Variants in GALNT13 observed in about 807,000 individuals in gnomAD.
GALNT13 encodes the protein polypeptide N-acetylgalactosaminyltransferase 13.
GALNT13 carries 28 observed loss-of-function variants against 64.2 expected under a neutral mutation model. That is an observed-to-expected ratio of 0.44 (90% CI 0.32 to 0.60). GALNT13 has a LOEUF of 0.60. GALNT13 is among the 20% of genes least tolerant of loss of function. The pLI is 0.05. For missense variants in GALNT13, 577 were observed against 669.8 expected (o/e 0.86, Z 1.53); for synonymous variants, 214 against 224.6 (o/e 0.95, Z 0.42).
chr2:153,800,610 T>C, the GALNT13 span, among the ~76,000 whole-genome samples: 1 of 152,230 alleles, frequency 6.6e-6, no homozygotes, highest in East Asian at 1.9e-4. Context: ...ATTAAGTTTA[T>C]GTAATATTAT....
In GALNT13 at chr2:154,408,991, A is replaced by G; in HGVS notation, c.1304A>G (p.Asn435Ser). Residue 435 changes from asparagine (N) to serine (S), a missense_variant, in exon 11 of 13, where the codon AAT (asparagine) becomes AGT (serine). Coordinates refer to ENST00000392825, the MANE Select transcript of GALNT13 (RefSeq NM_052917.4). ...TTTGTGTGTTTCCTTTAGATAAGAA[A>G]TGTTGAAACCAATCAGTGTTTAGAC... ...RRYYSLGEIRNVETNQCLDNM... is the reference protein window; with the variant it reads ...RRYYSLGEIRSVETNQCLDNM... 6.2e-7 allele frequency: 1 copy of G among 1,605,228 alleles called. No homozygotes were observed. The highest frequency in any genetic ancestry group is 1.7e-4 in the Middle Eastern group (1 of 6,028).
chr2:154,019,727 T>A (rs1697304614), intron 3 of GALNT13, among the ~76,000 whole-genome samples: 1 of 151,762 alleles, frequency 6.6e-6, no homozygotes, highest in Non-Finnish European at 1.5e-5. Context: ...ATACTTTAAG[T>A]TTTAGAGTAC....
chr2:153,413,248 A>G, the GALNT13 span, among the ~76,000 whole-genome samples: 1 of 152,084 alleles, frequency 6.6e-6, no homozygotes, highest in Non-Finnish European at 1.5e-5. Context: ...AAACTCCCCA[A>G]GGGCACAGGA....
chr2:153,517,781 T>C, the GALNT13 span, among the ~76,000 whole-genome samples: 2 of 152,188 alleles, frequency 1.3e-5, no homozygotes, highest in African/African-American at 4.8e-5. Flanking sequence ...CAATGTGTGC[T>C]AAAATCAGTT....
chr2:154,042,695 C>CATATATATATATATATATATATATAT (rs70981696), intron 3 of GALNT13, among the ~76,000 whole-genome samples: 1 of 107,928 alleles, frequency 9.3e-6, no homozygotes, highest in South Asian at 3.2e-4. Flanking sequence ...TATCATTATG[C>CATATATATATATATATATATATATAT]ATATATATAT....
chr2:153,835,012 G>T, the GALNT13 span, among the ~76,000 whole-genome samples: 1 of 152,064 alleles, frequency 6.6e-6, no homozygotes, highest in Non-Finnish European at 1.5e-5. Context: ...GACACGCGAA[G>T]AAAAATTGAA....
At chr2:153,854,031 A>G in the GALNT13 span, among the ~76,000 whole-genome samples, 1 of 151,732 alleles carries the variant, frequency 6.6e-6, no homozygotes, top group East Asian at 1.9e-4. Context: ...TATACCTTAA[A>G]TCTGTGAAGT....
intron 3 of GALNT13, among the ~76,000 whole-genome samples, chr2:154,024,889 G>A (rs1697829366): frequency 6.6e-6 from 1 of 152,134 alleles, no homozygotes. Context: ...TGTCCTTTCT[G>A]TTTGTTAGTT....
the GALNT13 span, among the ~76,000 whole-genome samples, chr2:153,305,751 G>C: frequency 1.6e-3 from 247 of 152,138 alleles, 1 homozygote; most frequent in Middle Eastern, 6.8e-3. Context: ...AGGCAGTGTT[G>C]AGCATTCCGT....
At chr2:153,188,054 T>G in the GALNT13 span, among the ~76,000 whole-genome samples, 1 of 152,072 alleles carries the variant, frequency 6.6e-6, no homozygotes, top group Non-Finnish European at 1.5e-5. Flanking sequence ...AAATAAAACT[T>G]TTTTAATCTA....
At chr2:153,279,106 G>T in the GALNT13 span, among the ~76,000 whole-genome samples, 215 of 151,920 alleles carry the variant, frequency 1.4e-3, no homozygotes, top group East Asian at 9.9e-3. Flanking sequence ...GTATTTTTTT[G>T]TGTGTGTGTG....
the GALNT13 span, among the ~76,000 whole-genome samples, chr2:153,865,368 C>A: frequency 7.7e-5 from 10 of 129,564 alleles, no homozygotes; most frequent in African/African-American, 2.4e-4. Context: ...TCAGAGTGAA[C>A]AGGCAACCTA....
At chr2:154,408,958 C>T (rs1246280314) in intron 10 of GALNT13, 26 bp from the exon 11 acceptor site, 14 of 1,364,728 alleles carry the variant, frequency 1.0e-5, no homozygotes, top group Middle Eastern at 1.8e-4. Context: ...ATGTTTTATC[C>T]CCCCCCTTTT....
At chr2:153,972,745 CAT>C (rs972467672) in intron 3 of GALNT13, among the ~76,000 whole-genome samples, 1 of 151,936 alleles carries the variant, frequency 6.6e-6, no homozygotes, top group African/African-American at 2.4e-5. Context: ...CCTCACCTAA[CAT>C]AGAGTTATAT....
intron 4 of GALNT13, among the ~76,000 whole-genome samples, chr2:154,176,207 GTA>G (rs1685638199): frequency 6.6e-6 from 1 of 151,518 alleles, no homozygotes; most frequent in Non-Finnish European, 1.5e-5. Flanking sequence ...ATGATGCAGA[GTA>G]TGTTTGTTTA....
chr2:153,793,426 C>A, the GALNT13 span, among the ~76,000 whole-genome samples: 1 of 152,148 alleles, frequency 6.6e-6, no homozygotes, highest in Non-Finnish European at 1.5e-5. Context: ...CTTTTAAAAT[C>A]TGAGCACAAT....
At chr2:154,349,070 T>C (rs1696237942) in intron 9 of GALNT13, among the ~76,000 whole-genome samples, 1 of 152,220 alleles carries the variant, frequency 6.6e-6, no homozygotes, top group South Asian at 2.1e-4. Flanking sequence ...TAACAACTCA[T>C]ATGTGCTGTA....
chr2:153,899,544 G>A (rs1688092990), intron 1 of GALNT13, among the ~76,000 whole-genome samples: 2 of 152,190 alleles, frequency 1.3e-5, no homozygotes, highest in South Asian at 4.2e-4. Context: ...TGTTTGAGAG[G>A]TTCTGTGTGA....
chr2:153,471,431 ACAGAG>A, the GALNT13 span, among the ~76,000 whole-genome samples: 5 of 151,436 alleles, frequency 3.3e-5, no homozygotes, highest in Non-Finnish European at 4.4e-5. Context: ...CCAAGACTCC[ACAGAG>A]AAGAGAAATA....
Sources: allele counts gnomAD v4.1 joint callset (sites outside exome capture counted in the v4.1 genomes callset), GRCh38; gene constraint gnomAD v4.1.1; transcripts MANE v1.5; gene names NCBI Gene and HGNC (gene_info 2026-07-23, HGNC 2026-07-21).